SLC17A8: variants seen among roughly 807,000 people sequenced by gnomAD.
The protein encoded by SLC17A8 is vesicular glutamate transporter 3.
A neutral mutation model predicts 58.0 loss-of-function variants in SLC17A8; 31 were observed. That is an observed-to-expected ratio of 0.53 (90% confidence interval 0.40 to 0.72). The LOEUF is 0.72. Ranked by LOEUF, SLC17A8 falls within the 30% of genes least tolerant of loss-of-function variation. SLC17A8 has a pLI of 0.00. For synonymous variants in SLC17A8, 228 were observed against 249.0 expected (o/e 0.92, Z 0.79); for missense variants, 655 against 727.8 (o/e 0.90, Z 1.15).
At chr12:100,412,607 A>C (rs557023005) in intron 9 of SLC17A8, among the ~76,000 whole-genome samples, 163 bp from the exon 10 acceptor site, 59 of 151,806 alleles carry the variant, frequency 3.9e-4, no homozygotes, top group African/African-American at 1.2e-3. Flanking sequence ...AAAAAAAAAA[A>C]AAAACTTAAA....
chr12:100,408,828 T>C (rs1483053559), intron 9 of SLC17A8, among the ~76,000 whole-genome samples: 1 of 152,198 alleles, frequency 6.6e-6, no homozygotes, highest in African/African-American at 2.4e-5. Flanking sequence ...AAGACACATA[T>C]AGTTAGTATA....
In SLC17A8 at chr12:100,385,330, C is replaced by G. The variant is rs144070259; in HGVS notation, c.354+4377C>G. On this transcript the variant is annotated intron_variant, in intron 2 of 11. Transcript: ENST00000323346. The stretch of plus-strand genomic sequence containing the variant: ...CAGCTCACTGCGACCTCCACCTCCC[C>G]GGTTCAAGCGATTCTACTCCTTAGG... Among the ~76,000 whole-genome samples the G allele has an allele frequency of 7.9e-5, 12 of 151,234 alleles. No individual in the cohort carries two copies. In the East Asian group the frequency reaches 2.3e-3, roughly 29 times the overall value.
At chr12:100,379,106 T>C (rs972161764) in intron 1 of SLC17A8, among the ~76,000 whole-genome samples, 6 of 152,218 alleles carry the variant, frequency 3.9e-5, no homozygotes, top group South Asian at 2.1e-4. Context: ...TGTTTCTCTA[T>C]ACTTGTGCCG....
chr12:100,398,809 T>C (rs982716241), intron 5 of SLC17A8, among the ~76,000 whole-genome samples: 2 of 151,876 alleles, frequency 1.3e-5, no homozygotes, highest in Admixed American at 1.3e-4. Context: ...ATCATGGGGG[T>C]GGGTCTTTCC....
intron 5 of SLC17A8, among the ~76,000 whole-genome samples, chr12:100,399,910 A>T (rs1189808681): frequency 1.3e-5 from 2 of 152,210 alleles, no homozygotes; most frequent in Non-Finnish European, 2.9e-5. Flanking sequence ...GGGGTTCCAC[A>T]GACCTGGGCT....
chr12:100,405,597 CAAG>C (rs1443491041), intron 9 of SLC17A8, among the ~76,000 whole-genome samples: 1 of 152,044 alleles, frequency 6.6e-6, no homozygotes, highest in Non-Finnish European at 1.5e-5. Context: ...CTGGAGAAGA[CAAG>C]AAGAGATTCC....
intron 2 of SLC17A8, among the ~76,000 whole-genome samples, chr12:100,387,361 C>T (rs1411629464): frequency 6.6e-6 from 1 of 152,104 alleles, no homozygotes; most frequent in South Asian, 2.1e-4. Flanking sequence ...TGACATTGAC[C>T]GCCTCTTCAT....
At chr12:100,385,339 C>T (rs748221405) in intron 2 of SLC17A8, among the ~76,000 whole-genome samples, 6 of 147,410 alleles carry the variant, frequency 4.1e-5, no homozygotes, top group African/African-American at 1.0e-4. Context: ...CCGGTTCAAG[C>T]GATTCTACTC....
At position 100,401,781 on chromosome 12, in the gene SLC17A8, C is replaced by T; in HGVS notation, c.681C>T (p.Ser227=). Residue 227 remains serine (S), a synonymous_variant, in exon 6 of 12, where the codon TCC becomes TCT. Transcript: ENST00000323346. ...CTCAATCTTTTCTTGTTCCAGGTTC[C>T]TATGCAGGGGCAGTGGTTGCCATGC... ...SRLATTSFCG[S]YAGAVVAMPL... The T allele has an allele frequency of 1.2e-6, 2 of 1,613,298 alleles. No individual in the cohort carries two copies. The highest frequency in any genetic ancestry group is 1.7e-6 in the Non-Finnish European group (2 of 1,179,310).
Position 100,404,087 on chromosome 12 carries a change from C to A in SLC17A8, c.1103C>A (p.Pro368His). The A allele has an allele frequency of 6.2e-7, 1 of 1,614,098 alleles. No homozygotes were observed. The highest frequency in any genetic ancestry group is 8.5e-7 in the Non-Finnish European group (1 of 1,180,006). Residue 368 changes from proline (P) to histidine (H), a missense_variant, in exon 9 of 12, where the codon CCT (proline) becomes CAT (histidine). By Grantham distance (77) the Pro-to-His change is moderately conservative (BLOSUM62 -2). Coordinates refer to ENST00000323346, the MANE Select transcript of SLC17A8 (RefSeq NM_139319.3). ...CACATGGTTATGACAATCGTTGTAC[C>A]TATTGGAGGACAATTGGCTGATTAT... ...VPHMVMTIVV[P>H]IGGQLADYLR...
chr12:100,381,665 C>CTGGAGA (rs1234503336), intron 2 of SLC17A8, among the ~76,000 whole-genome samples: 1 of 152,022 alleles, frequency 6.6e-6, no homozygotes, highest in Non-Finnish European at 1.5e-5. Flanking sequence ...TCATGGACTC[C>CTGGAGA]TGGAGATGAC....
intron 9 of SLC17A8, among the ~76,000 whole-genome samples, chr12:100,412,023 T>G (rs1952871806): frequency 6.6e-6 from 1 of 152,314 alleles, no homozygotes; most frequent in East Asian, 1.9e-4. Context: ...GTGTTGTCAT[T>G]TTACTTTTAA....
chr12:100,404,296 C>A, intron 9 of SLC17A8, 126 bp downstream of exon 9: 2 of 1,220,882 alleles, frequency 1.6e-6, no homozygotes, highest in Non-Finnish European at 1.2e-6. Context: ...TAAGTCTGTC[C>A]CTCAGCAGAC....
At chr12:100,414,228 G>A (rs1008210419) in intron 10 of SLC17A8, among the ~76,000 whole-genome samples, 95 of 152,254 alleles carry the variant, frequency 6.2e-4, no homozygotes, top group African/African-American at 2.3e-3. Flanking sequence ...ATTCCAGGTT[G>A]CCTTAAATAT....
intron 1 of SLC17A8, among the ~76,000 whole-genome samples, chr12:100,368,546 A>T (rs1204610696): frequency 1.3e-5 from 2 of 152,152 alleles, no homozygotes; most frequent in African/African-American, 4.8e-5. Context: ...CATATTGATG[A>T]ACTCTCCCTT....
At chr12:100,398,502 G>A (rs1248344359) in intron 5 of SLC17A8, among the ~76,000 whole-genome samples, 5 of 152,152 alleles carry the variant, frequency 3.3e-5, no homozygotes, top group African/African-American at 4.8e-5. Flanking sequence ...GCCCTAAAAG[G>A]GCTGATTTAA....
chr12:100,382,160 T>C (rs980908439), intron 2 of SLC17A8, among the ~76,000 whole-genome samples: 3 of 152,032 alleles, frequency 2.0e-5, no homozygotes, highest in Non-Finnish European at 4.4e-5. Flanking sequence ...GCGAAGTAAA[T>C]AGGGGGCTGA....
intron 9 of SLC17A8, chr12:100,410,627 C>T (rs985018381): frequency 6.6e-6 from 1 of 152,176 alleles, no homozygotes; most frequent in Admixed American, 6.6e-5. Flanking sequence ...CACTGCACTC[C>T]AGTCTGGGTG....
rs1566400632 is a variant in SLC17A8 at position 100,402,480 on chromosome 12, G to A, written c.903+1G>A. On this transcript the variant is annotated splice_donor_variant, in intron 7 of 11. Transcript: ENST00000323346. LOFTEE classifies it high-confidence loss of function. ...GGGGGCCAACGTGGTTAGTCTAAGTGTAAGTATAAAAAGTCAGATGAAGAC... is the reference window on the plus strand; with the variant it reads ...GGGGGCCAACGTGGTTAGTCTAAGTATAAGTATAAAAAGTCAGATGAAGAC... The A allele has an allele frequency of 1.9e-6, 3 of 1,614,002 alleles. No individual in the cohort carries two copies. Among genetic ancestry groups the A allele is most frequent in the Non-Finnish European group, 2.5e-6 (3 of 1,179,992 alleles).
Sources: allele counts gnomAD v4.1 joint callset (sites outside exome capture counted in the v4.1 genomes callset), GRCh38; gene constraint gnomAD v4.1.1; transcripts MANE v1.5; gene names NCBI Gene and HGNC (gene_info 2026-07-23, HGNC 2026-07-21).